SPATA16: variants seen among roughly 807,000 people sequenced by gnomAD.
SPATA16 encodes spermatogenesis associated 16.
Under a neutral mutation model 63.3 loss-of-function variants are expected in SPATA16, and 36 were observed. That is an observed-to-expected ratio of 0.57 (90% CI 0.44 to 0.75). The LOEUF (loss-of-function observed/expected upper bound fraction) is 0.75. SPATA16 is among the 30% of genes least tolerant of loss of function. The probability of loss-of-function intolerance (pLI) is 0.00; values close to 1 mark genes in which losing one functional copy is unlikely to be tolerated. For missense variants in SPATA16, 646 were observed against 679.3 expected (o/e 0.95, Z 0.54); for synonymous variants, 203 against 216.7 (o/e 0.94, Z 0.56).
intron 1 of SPATA16, among the ~76,000 whole-genome samples, chr3:173,136,986 A>G (rs1738563397): frequency 6.6e-6 from 1 of 152,244 alleles, no homozygotes; most frequent in African/African-American, 2.4e-5. Flanking sequence ...GAACCCATTT[A>G]AAAACACTAC....
intron 5 of SPATA16, among the ~76,000 whole-genome samples, chr3:172,961,084 TCCTTCCTTC>T (rs1560080420): frequency 2.1e-5 from 3 of 139,918 alleles, no homozygotes; most frequent in Non-Finnish European, 4.6e-5. Flanking sequence ...CTTCCTTCCT[TCCTTCCTTC>T]CTTCCTTCCT....
At chr3:173,006,487 A>C (rs1441563775) in intron 4 of SPATA16, among the ~76,000 whole-genome samples, 1 of 152,260 alleles carries the variant, frequency 6.6e-6, no homozygotes, top group East Asian at 1.9e-4. Flanking sequence ...TGCATGATGA[A>C]TGAATGCATC....
Position 172,906,323 on chromosome 3 carries a change from T to C in SPATA16, c.1587+7338A>G, listed in dbSNP as rs548680979. Among the ~76,000 whole-genome samples the C allele has an allele frequency of 1.0e-3, 154 of 152,304 alleles. 2 individuals carry two copies. The Middle Eastern group carries it at 0.01, about 10-fold the overall frequency. On this transcript the variant is annotated intron_variant, in intron 10 of 10. Coordinates refer to ENST00000351008, the MANE Select transcript of SPATA16 (RefSeq NM_031955.6). Reference sequence around the variant, plus strand: ...GTCCTGTGAGTGGGAGCTGAATTAATGGTTAAGGATTTGCAGATTTAGGCT... The same window carrying C: ...GTCCTGTGAGTGGGAGCTGAATTAACGGTTAAGGATTTGCAGATTTAGGCT...
chr3:173,108,154 C>A (rs779337180), intron 2 of SPATA16, among the ~76,000 whole-genome samples: 1 of 152,008 alleles, frequency 6.6e-6, no homozygotes, highest in African/African-American at 2.4e-5. Context: ...TCATTTTTTT[C>A]GGTGAAGTTT....
chr3:173,083,557 C>T (rs568594741), intron 2 of SPATA16, among the ~76,000 whole-genome samples: 8 of 152,016 alleles, frequency 5.3e-5, no homozygotes, highest in South Asian at 2.1e-4. Context: ...GGTAAACGTG[C>T]GCCCTGGTGG....
At chr3:173,073,745 C>T (rs1040142853) in intron 2 of SPATA16, among the ~76,000 whole-genome samples, 15 of 152,230 alleles carry the variant, frequency 9.9e-5, no homozygotes, top group African/African-American at 3.4e-4. Context: ...ACAGAGTCCC[C>T]ACTGGGGCAC....
At chr3:173,060,245 G>A (rs543468060) in intron 2 of SPATA16, among the ~76,000 whole-genome samples, 56 of 152,140 alleles carry the variant, frequency 3.7e-4, no homozygotes, top group African/African-American at 9.9e-4. Flanking sequence ...TGACAACAGC[G>A]AAACTCCATC....
At chr3:173,079,033 C>T (rs1426972013) in intron 2 of SPATA16, among the ~76,000 whole-genome samples, 2 of 152,250 alleles carry the variant, frequency 1.3e-5, no homozygotes, top group East Asian at 1.9e-4. Context: ...ACTTTGTCCA[C>T]GTTATTCCTA....
intron 3 of SPATA16, among the ~76,000 whole-genome samples, chr3:173,042,568 C>T (rs9821077): frequency 0.27 from 41,377 of 152,014 alleles, 7,722 homozygotes; most frequent in African/African-American, 0.53. Context: ...TCTATTACCA[C>T]TGAAAATTAC....
intron 10 of SPATA16, among the ~76,000 whole-genome samples, chr3:172,895,126 T>C (rs764448899): frequency 7.6e-4 from 116 of 152,214 alleles, no homozygotes; most frequent in Non-Finnish European, 1.6e-3. Flanking sequence ...ACTCAGCATA[T>C]TTTTTACCCA....
chr3:173,072,169 C>T (rs1230009866), intron 2 of SPATA16, among the ~76,000 whole-genome samples: 1 of 152,092 alleles, frequency 6.6e-6, no homozygotes, highest in Admixed American at 6.6e-5. Context: ...AACCTAGGTG[C>T]CCATAAACAG....
intron 4 of SPATA16, among the ~76,000 whole-genome samples, chr3:173,004,321 T>C (rs948836849): frequency 6.6e-6 from 1 of 151,988 alleles, no homozygotes; most frequent in African/African-American, 2.4e-5. Flanking sequence ...CTATGTAATT[T>C]GAAGTTCCAC....
At chr3:173,021,722 T>TTTTATTTATTTATTTATTTA (rs76258278) in intron 3 of SPATA16, among the ~76,000 whole-genome samples, 2 of 139,656 alleles carry the variant, frequency 1.4e-5, no homozygotes, top group Non-Finnish European at 3.1e-5. Context: ...CCCTATTACT[T>TTTTATTTATTTATTTATTTA]TTTATTTATT....
intron 10 of SPATA16, among the ~76,000 whole-genome samples, chr3:172,902,171 G>A (rs926413820): frequency 2.0e-5 from 3 of 152,134 alleles, no homozygotes; most frequent in African/African-American, 7.2e-5. Flanking sequence ...CCAAGTAGCT[G>A]GGACTACAGG....
At chr3:172,935,533 C>T (rs928006524) in intron 6 of SPATA16, among the ~76,000 whole-genome samples, 2 of 152,068 alleles carry the variant, frequency 1.3e-5, no homozygotes, top group Non-Finnish European at 2.9e-5. Context: ...TTTTTAGGCT[C>T]TTCTTGCAAG....
rs192781402 is a variant in SPATA16 at position 172,920,486 on chromosome 3, A to G, written c.1338+3722T>C. ...TTTGTTAGCTTTAGAAGAAAATTTT[A>G]CTCACTTTATATTTAAAATGCTTTG... On this transcript the variant is annotated intron_variant, in intron 8 of 10. Transcript: ENST00000351008. 4.5e-4 allele frequency among the ~76,000 whole-genome samples: 69 copies of G among 152,264 alleles called. 1 individual carries two copies. In the East Asian group the frequency reaches 0.013, roughly 28 times the overall value.
intron 2 of SPATA16, among the ~76,000 whole-genome samples, chr3:173,075,827 A>G (rs1160281212): frequency 1.3e-5 from 2 of 152,154 alleles, no homozygotes; most frequent in Non-Finnish European, 2.9e-5. Context: ...AAGAATATAG[A>G]TAGAAGAAAT....
chr3:172,996,590 C>T (rs756928893), intron 4 of SPATA16, among the ~76,000 whole-genome samples: 7 of 152,074 alleles, frequency 4.6e-5, no homozygotes, highest in African/African-American at 1.4e-4. Context: ...ACAACCTCCC[C>T]GACTGTCAAC....
intron 4 of SPATA16, among the ~76,000 whole-genome samples, chr3:173,013,395 G>C (rs143529011): frequency 5.8e-4 from 88 of 152,324 alleles, no homozygotes; most frequent in African/African-American, 2.1e-3. Context: ...GAGGACCAGA[G>C]AGAGACCTTG....
Sources: allele counts gnomAD v4.1 joint callset (sites outside exome capture counted in the v4.1 genomes callset), GRCh38; gene constraint gnomAD v4.1.1; transcripts MANE v1.5; gene names NCBI Gene and HGNC (gene_info 2026-07-23, HGNC 2026-07-21).